SRRM2: variants seen among roughly 807,000 people sequenced by gnomAD.
SRRM2 encodes serine/arginine repetitive matrix 2.
A neutral mutation model predicts 213.8 loss-of-function variants in SRRM2; 30 were observed. The observed-to-expected ratio is 0.14, with a 90% CI of 0.10 to 0.19. The LOEUF (loss-of-function observed/expected upper bound fraction) is 0.19, where lower values mean the gene tolerates loss of function less well. SRRM2 is among the 10% of genes least tolerant of loss of function. The pLI is 1.00. For synonymous variants in SRRM2, 2,025 were observed against 1,377.7 expected (o/e 1.47, Z -10.40); for missense variants, 4,904 against 3,647.0 (o/e 1.34, Z -8.88).
intron 1 of SRRM2, chr16:2,753,418 G>A (rs1465920839): frequency 6.6e-6 from 1 of 152,264 alleles, no homozygotes; most frequent in Non-Finnish European, 1.5e-5. Flanking sequence ...GGATTTAAAT[G>A]GTTTAGGATT....
intron 4 of SRRM2, 100 bp downstream of exon 4, chr16:2,758,045 CAG>C: frequency 7.0e-7 from 1 of 1,431,170 alleles, no homozygotes; most frequent in South Asian, 1.4e-5. Flanking sequence ...CCAAACTCTT[CAG>C]ATTTTGTTCT....
Position 2,769,152 on chromosome 16 carries a change from C to G in SRRM2, c.7889C>G (p.Ser2630Cys), listed in dbSNP as rs1305103824. ...SSSSSSSSSS[S>C]SSSSSSSSSS... Reference sequence around the variant, plus strand: ...TCCTCCTCCTCCTCTTCTTCCTCCTCCTCTTCCTCTTCTTCTTCTTCCTCC... The same window carrying G: ...TCCTCCTCCTCCTCTTCTTCCTCCTGCTCTTCCTCTTCTTCTTCTTCCTCC... The change falls in exon 12 of 15, where the codon TCC (serine) becomes TGC (cysteine). Residue 2630 changes from serine to cysteine, a missense_variant. By Grantham distance (112) the Ser-to-Cys change is moderately radical (BLOSUM62 -1). Coordinates refer to ENST00000301740, the MANE Select transcript of SRRM2 (RefSeq NM_016333.4). 1.2e-6 allele frequency: 2 copies of G among 1,612,172 alleles called. No individual in the cohort carries two copies. The highest frequency in any genetic ancestry group is 3.3e-5 in the Admixed American group (2 of 59,960).
intron 3 of SRRM2, 25 bp downstream of exon 3, chr16:2,757,604 G>T (rs759663674): frequency 1.3e-6 from 2 of 1,598,358 alleles, no homozygotes; most frequent in South Asian, 1.1e-5. Flanking sequence ...CTCCCTCGAT[G>T]ACTCTGGACT....
Position 2,767,659 on chromosome 16 carries a change from T to A in SRRM2, c.7131T>A (p.Gly2377=). Residue 2377 remains glycine (G), a synonymous_variant, in exon 11 of 15, where the codon GGT becomes GGA. Coordinates refer to ENST00000301740, the MANE Select transcript of SRRM2 (RefSeq NM_016333.4). ...TSARMAPALS[G]ANLTSPRVPL... ...CTAGGATGGCTCCAGCATTGTCTGG[T>A]GCAAACCTCACCAGCCCCAGGGTGC... 6.2e-7 allele frequency: 1 copy of A among 1,614,056 alleles called. No individual in the cohort carries two copies. The highest frequency in any genetic ancestry group is 8.5e-7 in the Non-Finnish European group (1 of 1,180,010).
In SRRM2 at chr16:2,756,428, A is replaced by C. The variant is rs1356251920; in HGVS notation, c.64A>C (p.Asn22His). The C allele has an allele frequency of 6.2e-7, 1 of 1,612,198 alleles. No individual in the cohort carries two copies. Among genetic ancestry groups the C allele is most frequent in the Admixed American group, 1.7e-5 (1 of 59,898 alleles). ...CGGCACCAACGGCTACGTCCAGCGC[A>C]ACCTGTCCCTGGTGCGGGGCCGCCG... is the stretch of plus-strand genomic sequence containing the variant. The part of the protein sequence containing the change: ...GSGTNGYVQR[N>H]LSLVRGRRGE... Residue 22 changes from asparagine (N) to histidine (H), a missense_variant, in exon 2 of 15, where the codon AAC (asparagine) becomes CAC (histidine). By Grantham distance (68) the Asn-to-His change is moderately conservative (BLOSUM62 1). Transcript: ENST00000301740.
intron 3 of SRRM2, 98 bp downstream of exon 3, chr16:2,757,677 C>T (rs750544437): frequency 8.2e-6 from 13 of 1,579,312 alleles, no homozygotes; most frequent in East Asian, 4.5e-5. Context: ...TCCCTGCTTT[C>T]GTCTGCCTTT....
chr16:2,756,728 G>T (rs2068154976), intron 2 of SRRM2, 122 bp downstream of exon 2: 77 of 1,337,198 alleles, frequency 5.8e-5, no homozygotes, highest in Non-Finnish European at 7.7e-5. Flanking sequence ...GGTAGGGGAG[G>T]AGGCAGATGA....
Position 2,758,878 on chromosome 16 carries a change from A to T in SRRM2, c.594-107A>T, listed in dbSNP as rs988012918. The T allele has an allele frequency of 3.3e-6, 4 of 1,228,820 alleles. No individual in the cohort carries two copies. The African/African-American group carries it at 6.0e-5, about 19-fold the overall frequency. The allele number at this position is 1,228,820 out of a possible 1,614,324, so 76.1% of individuals were successfully genotyped here. ...GGCTTAGGTCTGGGGCATTAGTGCTATTAGGACATTCAAGTGTTTTAGAAA... is the reference window on the plus strand; with the variant it reads ...GGCTTAGGTCTGGGGCATTAGTGCTTTTAGGACATTCAAGTGTTTTAGAAA... On this transcript the variant is annotated intron_variant, in intron 5 of 14. Transcript: ENST00000301740.
intron 11 of SRRM2, chr16:2,768,719 C>T (rs1425030700): frequency 1.4e-6 from 1 of 710,216 alleles, no homozygotes; most frequent in Non-Finnish European, 2.5e-6. Context: ...GCTTCAGCTT[C>T]CACACCTGAG....
Position 2,762,141 on chromosome 16 carries a change from A to G in SRRM2, c.1613A>G (p.Gln538Arg). The change falls in exon 11 of 15, where the codon CAG becomes CGG. Residue 538 changes from glutamine (Q) to arginine (R), a missense_variant. Physicochemically the swap from Gln to Arg is conservative, Grantham distance 43. Coordinates refer to ENST00000301740, the MANE Select transcript of SRRM2 (RefSeq NM_016333.4). ...CGACGTGGCCGCTCTAGGTCTCCTC[A>G]GCGACCAGGCTGGTCTAGGAGCAGA... ...PQRRGRSRSP[Q>R]RPGWSRSRNT... 6.2e-7 allele frequency: 1 copy of G among 1,613,764 alleles called. No individual in the cohort carries two copies. Among genetic ancestry groups the G allele is most frequent in the Non-Finnish European group, 8.5e-7 (1 of 1,179,912 alleles).
At chr16:2,760,685 G>C in intron 10 of SRRM2, 186 bp downstream of exon 10, 1 of 624,316 alleles carries the variant, frequency 1.6e-6, no homozygotes, top group South Asian at 2.1e-5. Flanking sequence ...ACTGAATTGT[G>C]AACCCTTTAG....
chr16:2,757,745 A>G (rs368296759), intron 3 of SRRM2, 36 bp from the exon 4 acceptor site: 27 of 1,610,114 alleles, frequency 1.7e-5, no homozygotes, highest in African/African-American at 5.4e-5. Context: ...TCTGTCCTTT[A>G]TATTTCCTTC....
intron 12 of SRRM2, 40 bp from the exon 13 acceptor site, chr16:2,770,312 G>C (rs554942064): frequency 2.6e-6 from 4 of 1,529,704 alleles, no homozygotes; most frequent in African/African-American, 2.7e-5. Context: ...CCGTGTGCTT[G>C]AAAGGGTGTG....
Position 2,763,526 on chromosome 16 carries a change from A to G in SRRM2, c.2998A>G (p.Lys1000Glu). 11 of 1,614,150 alleles carry G rather than the reference A, an allele frequency of 6.8e-6. No individual in the cohort carries two copies. Among genetic ancestry groups the G allele is most frequent in the African/African-American group, 1.3e-5 (1 of 75,020 alleles). Residue 1000 changes from lysine to glutamate, a missense_variant, in exon 11 of 15, where the codon AAG becomes GAG. Coordinates refer to ENST00000301740, the MANE Select transcript of SRRM2 (RefSeq NM_016333.4). The part of the protein sequence containing the change: ...SGSISPYPKV[K>E]AQTPPGPSLS... ...GTCTATTTCACCATACCCCAAAGTAAAGGCCCAAACTCCACCGGGGCCAAG... is the reference window on the plus strand; with the variant it reads ...GTCTATTTCACCATACCCCAAAGTAGAGGCCCAAACTCCACCGGGGCCAAG...
rs776664522 is a variant in SRRM2, at chr16:2,766,782, C to T, written c.6254C>T (p.Ser2085Phe). ...IRRRSASGSS[S>F]DRSRSATPPA... ...AGGCGTTCTGCATCTGGAAGTAGTT[C>T]TGATCGTTCACGATCTGCTACTCCT... Residue 2085 changes from serine to phenylalanine, a missense_variant, in exon 11 of 15, where the codon TCT (serine) becomes TTT (phenylalanine). Transcript: ENST00000301740. The surrounding 1 kb of genome is among the most constrained non-coding windows in gnomAD (Gnocchi z 7.0). 7.4e-6 allele frequency: 12 copies of T among 1,614,226 alleles called. No homozygotes were observed. The highest frequency in any genetic ancestry group is 9.3e-6 in the Non-Finnish European group (11 of 1,180,038).
chr16:2,762,971 A>G lies in SRRM2; in HGVS notation c.2443A>G (p.Ser815Gly), dbSNP rs149861293. ...TAAATCTAGAACGCCACCCAGACGC[A>G]GTCGCTCCAGTTCTTCTCCGCCACC... ...KAKSRTPPRR[S>G]RSSSSPPPKQ... Residue 815 changes from serine to glycine, a missense_variant, in exon 11 of 15, where the codon AGT becomes GGT. Ser to Gly is a moderately conservative substitution (Grantham distance 56). Transcript: ENST00000301740. The G allele has an allele frequency of 3.0e-4, 487 of 1,613,952 alleles. No individual in the cohort carries two copies. Among genetic ancestry groups the G allele is most frequent in the Non-Finnish European group, 3.9e-4 (463 of 1,179,986 alleles).
intron 4 of SRRM2, among the ~76,000 whole-genome samples, 188 bp downstream of exon 4, chr16:2,758,133 G>C (rs577510817): frequency 6.6e-6 from 1 of 152,294 alleles, no homozygotes; most frequent in Admixed American, 6.5e-5. Flanking sequence ...CCAGCATTTT[G>C]GGAAGCTCAG....
rs1322079681 is a variant in SRRM2, at chr16:2,769,199, T to TCTTCCTCCCCTTCCC, written c.7939_7953dup (p.Ser2647_Pro2651dup). 1 of 1,608,052 alleles carries TCTTCCTCCCCTTCCC rather than the reference T, an allele frequency of 6.2e-7. No individual in the cohort carries two copies. The highest frequency in any genetic ancestry group is 1.7e-5 in the Admixed American group (1 of 59,618). ...CTCCTCATCTTCCTCCTCCTCGTCG[T>TCTTCCTCCCCTTCCC]CTTCCTCCCCTTCCCCTGCTAAGCC... On this transcript the variant is annotated inframe_insertion, in exon 12 of 15. Coordinates refer to ENST00000301740, the MANE Select transcript of SRRM2 (RefSeq NM_016333.4).
Position 2,766,249 on chromosome 16 carries a change from T to C in SRRM2, c.5721T>C (p.Thr1907=). 1 of 1,614,118 alleles carries C rather than the reference T, an allele frequency of 6.2e-7. No homozygotes were observed. The highest frequency in any genetic ancestry group is 8.5e-7 in the Non-Finnish European group (1 of 1,180,026). Residue 1907 remains threonine, a synonymous_variant, in exon 11 of 15, where the codon ACT becomes ACC. Coordinates refer to ENST00000301740, the MANE Select transcript of SRRM2 (RefSeq NM_016333.4). The surrounding 1 kb of genome is among the most constrained non-coding windows in gnomAD (Gnocchi z 7.0). ...GGTCAAGGTCCAGGACTTCAGTGAC[T>C]CGACGAAGATCCCGGTCAAGAGCAT... ...RRRSRSRTSV[T]RRRSRSRASP... is the part of the protein sequence containing the mutation.
Sources: allele counts gnomAD v4.1 joint callset (sites outside exome capture counted in the v4.1 genomes callset), GRCh38; gene constraint gnomAD v4.1.1; non-coding constraint Gnocchi (gnomAD v3.1); transcripts MANE v1.5; gene names NCBI Gene and HGNC (gene_info 2026-07-23, HGNC 2026-07-21).